The following MYOM1 variants were observed in gnomAD, a reference collection of about 807,000 sequenced individuals.
The protein encoded by MYOM1 is myomesin 1, also known as myomesin-1.
In MYOM1, 164 loss-of-function variants were observed where a neutral mutation model predicts 205.3. The observed-to-expected ratio is 0.80, with a 90% CI of 0.70 to 0.91. The LOEUF is 0.91. Among genes scored for constraint, MYOM1 ranks in the 40% least tolerant of loss-of-function variants. MYOM1 has a pLI of 0.00. For missense variants in MYOM1, 2,011 were observed against 2,127.3 expected (o/e 0.95, Z 1.08); for synonymous variants, 772 against 789.4 (o/e 0.98, Z 0.37).
At chr18:3,103,774 G>C (rs1254201342) in intron 22 of MYOM1, among the ~76,000 whole-genome samples, 1 of 152,164 alleles carries the variant, frequency 6.6e-6, no homozygotes, top group Non-Finnish European at 1.5e-5. Flanking sequence ...TTTCCCAAGG[G>C]AAGGCCAAGA....
At chr18:3,085,186 A>G in intron 30 of MYOM1, 54 bp from the exon 31 acceptor site, 1 of 612,794 alleles carries the variant, frequency 1.6e-6, no homozygotes, top group Non-Finnish European at 2.3e-6. Flanking sequence ...AGGGCACGGT[A>G]TCTGTGATTT....
intron 25 of MYOM1, among the ~76,000 whole-genome samples, chr18:3,097,492 C>T (rs1051575355): frequency 5.3e-5 from 8 of 152,140 alleles, no homozygotes; most frequent in Non-Finnish European, 1.0e-4. Flanking sequence ...GGCATGATCA[C>T]GGCTCACTGC....
intron 5 of MYOM1, among the ~76,000 whole-genome samples, chr18:3,182,251 A>G (rs182567696): frequency 2.0e-5 from 3 of 152,024 alleles, no homozygotes; most frequent in African/African-American, 4.8e-5. Context: ...CAGAAACCCA[A>G]ATGAATCCTG....
chr18:3,158,658 G>A (rs971408474), intron 10 of MYOM1, among the ~76,000 whole-genome samples: 1 of 152,036 alleles, frequency 6.6e-6, no homozygotes. Flanking sequence ...CTGTGGCCCA[G>A]GCTGGAGTGC....
chr18:3,068,635 A>C (rs2078925346), intron 37 of MYOM1, among the ~76,000 whole-genome samples: 1 of 152,198 alleles, frequency 6.6e-6, no homozygotes, highest in Non-Finnish European at 1.5e-5. Flanking sequence ...AGAATCATGC[A>C]CTGTATAACC....
rs1433374354 is a variant in MYOM1, at chr18:3,135,162, C to A, written c.2210-338G>T. ...ATGGGGTTTCACCATGTTGGCCAGG[C>A]TGGTCTCAAACTCTTGGACTCAGGT... On this transcript the variant is annotated intron_variant, in intron 15 of 37. Coordinates refer to ENST00000356443, the MANE Select transcript of MYOM1 (RefSeq NM_003803.4). This position sits in a 1 kb window ranked among gnomAD's most constrained non-coding sequence, Gnocchi z 4.1. 6.5e-6 allele frequency: 2 copies of A among 308,112 alleles called. No individual in the cohort carries two copies. Among genetic ancestry groups the A allele is most frequent in the Non-Finnish European group, 1.2e-5 (2 of 162,072 alleles). 19.1% of individuals were successfully genotyped at this position (308,112 alleles called of 1,614,324 possible). A position where few individuals can be genotyped will look rare whatever the true frequency, so the allele number is the denominator to read the frequency against.
rs1054719766 is a variant in MYOM1 at position 3,188,639 on chromosome 18, A to G, written c.771+109T>C. 6 of 1,242,434 alleles carry G rather than the reference A, an allele frequency of 4.8e-6. No homozygotes were observed. The African/African-American group carries it at 9.5e-5, about 20-fold the overall frequency. The allele number at this position is 1,242,434 out of a possible 1,614,324, so 77.0% of individuals were successfully genotyped here. On this transcript the variant is annotated intron_variant, in intron 4 of 37. Coordinates refer to ENST00000356443, the MANE Select transcript of MYOM1 (RefSeq NM_003803.4). ...GTGAGACTCCATCTCAAAAGGAAAAAAAAAAAGAAACAAATCAATCTATAT... is the reference window on the plus strand; with the variant it reads ...GTGAGACTCCATCTCAAAAGGAAAAGAAAAAAGAAACAAATCAATCTATAT...
intron 10 of MYOM1, among the ~76,000 whole-genome samples, chr18:3,159,634 C>A (rs1370056428): frequency 6.6e-6 from 1 of 152,236 alleles, no homozygotes; most frequent in East Asian, 1.9e-4. Context: ...GGATGCATAT[C>A]CATGTATTGG....
intron 19 of MYOM1, 40 bp from the exon 20 acceptor site, chr18:3,120,035 G>A: frequency 6.6e-7 from 1 of 1,522,078 alleles, no homozygotes; most frequent in South Asian, 1.3e-5. Flanking sequence ...AATGTTCCAG[G>A]TTTGTTTTTT....
At chr18:3,105,621 G>A (rs1350870528) in intron 22 of MYOM1, among the ~76,000 whole-genome samples, 2 of 152,144 alleles carry the variant, frequency 1.3e-5, no homozygotes, top group Admixed American at 6.6e-5. Flanking sequence ...TTAGGAGGCC[G>A]TGGCAGGGGG....
At chr18:3,222,893 T>C (rs372959952), upstream of MYOM1, among the ~76,000 whole-genome samples, 37 of 151,018 alleles carry the variant, frequency 2.5e-4, no homozygotes, top group East Asian at 6.6e-3. Flanking sequence ...TTTTTTTTTC[T>C]TTTTGAGACA....
At chr18:3,178,109 A>G (rs2080675361) in intron 5 of MYOM1, among the ~76,000 whole-genome samples, 1 of 152,184 alleles carries the variant, frequency 6.6e-6, no homozygotes, top group African/African-American at 2.4e-5. Context: ...TCTGCCCAAA[A>G]GAGGAACTGG....
In MYOM1 at chr18:3,131,396, T is replaced by G. The variant is rs1241528854; in HGVS notation, c.2485A>C (p.Ile829Leu). ...TTACCAATAGCAGCTTTGACTTCAA[T>G]AGCTTCTGAATCCTGGGAATATTCA... ...LSEYSQDSEAIEVKAAIGGGV... is the reference protein window; with the variant it reads ...LSEYSQDSEALEVKAAIGGGV... The change falls in exon 17 of 38, where the codon ATT becomes CTT. Residue 829 changes from isoleucine (I) to leucine (L), a missense_variant. Transcript: ENST00000356443. The G allele has an allele frequency of 6.2e-7, 1 of 1,613,834 alleles. No homozygotes were observed. The highest frequency in any genetic ancestry group is 8.5e-7 in the Non-Finnish European group (1 of 1,179,852).
chr18:3,078,410 T>C (rs2079044723), intron 34 of MYOM1, among the ~76,000 whole-genome samples: 1 of 124,898 alleles, frequency 8.0e-6, no homozygotes, highest in Non-Finnish European at 1.8e-5. Flanking sequence ...TTTAATACAG[T>C]ATAGACTATT....
At chr18:3,163,663 A>G (rs946233108) in intron 10 of MYOM1, among the ~76,000 whole-genome samples, 1 of 151,962 alleles carries the variant, frequency 6.6e-6, no homozygotes, top group Admixed American at 6.6e-5. Flanking sequence ...CATGTTGCCC[A>G]GGCTGGTCTT....
At chr18:3,091,791 G>T (rs915334181) in intron 26 of MYOM1, among the ~76,000 whole-genome samples, 1 of 152,128 alleles carries the variant, frequency 6.6e-6, no homozygotes, top group Non-Finnish European at 1.5e-5. Context: ...GAGTGCAGTG[G>T]TGCAATCTTG....
At position 3,113,180 on chromosome 18, in the gene MYOM1, AT is replaced by A. The variant is rs2079553166; in HGVS notation, c.3304-769del. On this transcript the variant is annotated intron_variant, in intron 21 of 37. Transcript: ENST00000356443. ...TATGACAGTCCCACTTCATGTATAT[AT>A]ACACACACATACATATATACACACA... Among the ~76,000 whole-genome samples, 2 of 150,406 alleles carry A rather than the reference AT, an allele frequency of 1.3e-5. 1 individual carries two copies. The highest frequency in any genetic ancestry group is 4.9e-5 in the African/African-American group (2 of 40,762).
chr18:3,089,289 C>CA, intron 28 of MYOM1, 48 bp from the exon 29 acceptor site: 2 of 1,450,926 alleles, frequency 1.4e-6, no homozygotes, highest in Non-Finnish European at 1.9e-6. Flanking sequence ...ATCACAAATG[C>CA]AAAATCAAAG....
intron 37 of MYOM1, among the ~76,000 whole-genome samples, chr18:3,071,141 T>G (rs2078955097): frequency 6.6e-6 from 1 of 152,194 alleles, no homozygotes; most frequent in South Asian, 2.1e-4. Flanking sequence ...GAAGCCTGTT[T>G]TCAACAGAAC....
Sources: gnomAD v4.1 joint callset for allele counts (sites outside exome capture counted in the v4.1 genomes callset) on GRCh38, gnomAD v4.1.1 for gene constraint, Gnocchi (gnomAD v3.1) non-coding constraint, MANE v1.5 for transcripts, NCBI Gene and HGNC (gene_info 2026-07-23, HGNC 2026-07-21) for gene names.